The following LARP1B variants were observed in gnomAD, a reference collection of about 807,000 sequenced individuals.
The protein encoded by LARP1B is La ribonucleoprotein 1B.
In LARP1B, 76 loss-of-function variants were observed where a neutral mutation model predicts 114.2. That is an observed-to-expected ratio of 0.67 (90% CI 0.55 to 0.81). The LOEUF (loss-of-function observed/expected upper bound fraction) is 0.81. Ranked by LOEUF, LARP1B falls within the 30% of genes least tolerant of loss-of-function variation. The probability of loss-of-function intolerance (pLI) is 0.00; values close to 1 mark genes in which losing one functional copy is unlikely to be tolerated. For synonymous variants in LARP1B, 345 were observed against 348.0 expected, an observed-to-expected ratio of 0.99 and a Z score of 0.10; for missense variants, 1,014 against 1,075.8, an observed-to-expected ratio of 0.94 and a Z score of 0.80.
intron 4 of LARP1B, among the ~76,000 whole-genome samples, chr4:128,079,755 G>C (rs1421086486): frequency 6.6e-6 from 1 of 151,272 alleles, no homozygotes; most frequent in Non-Finnish European, 1.5e-5. Context: ...TGTAGAGACA[G>C]GGTTTTGCCA....
intron 15 of LARP1B, among the ~76,000 whole-genome samples, chr4:128,196,653 G>A (rs1280181764): frequency 6.6e-6 from 1 of 151,678 alleles, no homozygotes; most frequent in East Asian, 1.9e-4. Context: ...GGAGTGCAGT[G>A]GTGCAATCTC....
chr4:128,157,737 G>A (rs866441473), intron 11 of LARP1B, among the ~76,000 whole-genome samples: 16 of 152,120 alleles, frequency 1.1e-4, no homozygotes, highest in African/African-American at 3.4e-4. Flanking sequence ...TGAATTGTAC[G>A]CTTAAATAGG....
At chr4:128,135,854 G>A (rs1407802304) in intron 11 of LARP1B, among the ~76,000 whole-genome samples, 1 of 152,258 alleles carries the variant, frequency 6.6e-6, no homozygotes, top group East Asian at 1.9e-4. Context: ...TTGCACAGCA[G>A]TGTGAATATA....
At chr4:128,123,661 A>T in intron 11 of LARP1B, 1 of 767,950 alleles carries the variant, frequency 1.3e-6, no homozygotes, top group Non-Finnish European at 1.6e-6. Flanking sequence ...GAAATGTTCA[A>T]TTCATGTTTG....
intron 15 of LARP1B, among the ~76,000 whole-genome samples, chr4:128,183,560 T>C (rs968167985): frequency 1.3e-5 from 2 of 152,212 alleles, no homozygotes; most frequent in African/African-American, 4.8e-5. Context: ...CACCCAAGAA[T>C]GCTGATGAAT....
At chr4:128,173,536 T>A (rs1181597269) in intron 12 of LARP1B, among the ~76,000 whole-genome samples, 1 of 152,210 alleles carries the variant, frequency 6.6e-6, no homozygotes, top group Non-Finnish European at 1.5e-5. Flanking sequence ...GGTTCAGGTA[T>A]GAAGCTGTGC....
intron 8 of LARP1B, among the ~76,000 whole-genome samples, chr4:128,102,599 C>G (rs755126639): frequency 1.3e-5 from 2 of 152,078 alleles, no homozygotes; most frequent in African/African-American, 2.4e-5. Context: ...AAACGCAAAC[C>G]AAACTTGTTG....
intron 11 of LARP1B, among the ~76,000 whole-genome samples, chr4:128,141,668 G>T (rs192883796): frequency 6.6e-6 from 1 of 152,214 alleles, no homozygotes; most frequent in East Asian, 1.9e-4. Flanking sequence ...TTTCTTGGAG[G>T]TACTTAGCTT....
At chr4:128,128,771 A>C (rs551432866) in intron 11 of LARP1B, among the ~76,000 whole-genome samples, 1 of 152,310 alleles carries the variant, frequency 6.6e-6, no homozygotes, top group South Asian at 2.1e-4. Flanking sequence ...GTACAAAAAA[A>C]CACAATACAA....
intron 1 of LARP1B, among the ~76,000 whole-genome samples, chr4:128,067,062 C>T (rs1265283048): frequency 6.6e-5 from 10 of 152,002 alleles, no homozygotes; most frequent in Non-Finnish European, 1.0e-4. Flanking sequence ...CCCGCTTCGG[C>T]CTCCCAAAGT....
intron 7 of LARP1B, among the ~76,000 whole-genome samples, chr4:128,094,343 G>A (rs1211712918): frequency 6.6e-6 from 1 of 151,134 alleles, no homozygotes; most frequent in Non-Finnish European, 1.5e-5. Context: ...TCAGATGACA[G>A]CACTCTGATA....
chr4:128,063,944 G>A (rs1027711207), intron 1 of LARP1B, among the ~76,000 whole-genome samples: 11 of 152,136 alleles, frequency 7.2e-5, no homozygotes, highest in African/African-American at 2.6e-4. Context: ...TTACTGGCTT[G>A]TGAGGATCAA....
chr4:128,074,875 T>G, intron 2 of LARP1B, 59 bp from the exon 3 acceptor site: 2 of 1,187,372 alleles, frequency 1.7e-6, no homozygotes, highest in Non-Finnish European at 2.5e-6. Flanking sequence ...AAATGTTTTT[T>G]TCCTGCTTAA....
chr4:128,091,497 A>G lies in LARP1B; in HGVS notation c.653A>G (p.Tyr218Cys), dbSNP rs1482037627. ...GTGGAAGAAGCATTGCTTAAAGAGT[A>G]TATTAAGCGTCAAATGTAAGTGGAT... ...YPVEEALLKE[Y>C]IKRQIEYYFS... Residue 218 changes from tyrosine to cysteine, a missense_variant, in exon 7 of 20, where the codon TAT (tyrosine) becomes TGT (cysteine). Tyr to Cys is a radical substitution (Grantham distance 194). Transcript: ENST00000326639. 6.2e-7 allele frequency: 1 copy of G among 1,603,228 alleles called. No individual in the cohort carries two copies.
intron 9 of LARP1B, among the ~76,000 whole-genome samples, chr4:128,110,289 T>C (rs2149834426): frequency 6.6e-6 from 1 of 152,290 alleles, no homozygotes; most frequent in East Asian, 1.9e-4. Flanking sequence ...TATCTAAATT[T>C]TTTTTGTTTC....
chr4:128,126,940 G>C (rs1789853641), intron 11 of LARP1B, among the ~76,000 whole-genome samples: 1 of 151,882 alleles, frequency 6.6e-6, no homozygotes, highest in Admixed American at 6.6e-5. Context: ...ATTATTATAA[G>C]AGGCAATTAG....
At chr4:128,095,122 G>T (rs978356286) in intron 7 of LARP1B, among the ~76,000 whole-genome samples, 1 of 152,066 alleles carries the variant, frequency 6.6e-6, no homozygotes. Context: ...AGGCTTTTGA[G>T]GTGTAACAAC....
chr4:128,109,643 GT>G (rs578012786), intron 9 of LARP1B, among the ~76,000 whole-genome samples: 7 of 151,424 alleles, frequency 4.6e-5, no homozygotes, highest in African/African-American at 1.2e-4. Flanking sequence ...ACAATGTTGG[GT>G]TTTTTTCTTT....
chr4:128,153,776 C>G (rs554760953), intron 11 of LARP1B, among the ~76,000 whole-genome samples: 12 of 152,210 alleles, frequency 7.9e-5, no homozygotes, highest in Admixed American at 7.2e-4. Context: ...ACTATATTAC[C>G]GGTAGCCTAC....
Sources: gnomAD v4.1 joint callset for allele counts (sites outside exome capture counted in the v4.1 genomes callset) on GRCh38, gnomAD v4.1.1 for gene constraint, MANE v1.5 for transcripts, NCBI Gene and HGNC (gene_info 2026-07-23, HGNC 2026-07-21) for gene names.